Variants in PIGK observed in about 807,000 individuals in gnomAD.
The protein encoded by PIGK is phosphatidylinositol glycan anchor biosynthesis class K.
PIGK carries 42 observed loss-of-function variants against 50.6 expected under a neutral mutation model. The observed-to-expected ratio is 0.83, with a 90% confidence interval of 0.65 to 1.07. PIGK has a LOEUF of 1.07. PIGK is among the 50% of genes least tolerant of loss of function. PIGK has a pLI of 0.00. For synonymous variants in PIGK, 151 were observed against 156.0 expected, an observed-to-expected ratio of 0.97 and a Z score of 0.24; for missense variants, 448 against 488.7, an observed-to-expected ratio of 0.92 and a Z score of 0.78.
chr1:77,163,878 C>T lies in PIGK; in HGVS notation c.552G>A (p.Ala184=), dbSNP rs17099989. The change falls in exon 6 of 11, where the codon GCG becomes GCA. Residue 184 remains alanine (A), a synonymous_variant. Coordinates refer to ENST00000370812, the MANE Select transcript of PIGK (RefSeq NM_005482.3). The part of the protein sequence containing the change: ...DSEEITNIEL[A]DAFEQMWQKR... ...TCTGCCACATTTGTTCAAAAGCATCCGCGAGTTCTATGTTGGTAATTTCTT... is the reference window on the plus strand; with the variant it reads ...TCTGCCACATTTGTTCAAAAGCATCTGCGAGTTCTATGTTGGTAATTTCTT... 4,671 of 1,608,674 alleles carry T rather than the reference C, an allele frequency of 2.9e-3. 107 individuals are homozygous for T. In the African/African-American group the frequency reaches 0.054, roughly 19 times the overall value.
intron 3 of PIGK, among the ~76,000 whole-genome samples, chr1:77,192,715 A>G (rs1655938556): frequency 6.6e-6 from 1 of 152,172 alleles, no homozygotes; most frequent in Non-Finnish European, 1.5e-5. Context: ...AGAAGTAGTG[A>G]TTAAAATTTA....
chr1:77,145,597 T>A (rs1037872194), intron 9 of PIGK, among the ~76,000 whole-genome samples: 50 of 152,120 alleles, frequency 3.3e-4, no homozygotes, highest in African/African-American at 1.2e-3. Context: ...TCAATACTGT[T>A]AAGCTGTGAT....
chr1:77,206,517 A>C lies in PIGK; in HGVS notation c.239+123T>G. ...TAGTATGCTCTAATGAGAACAAAAA[A>C]TCTTCAAATCAGATTTTTTTTTTTA... On this transcript the variant is annotated intron_variant, in intron 3 of 10. Transcript: ENST00000370812. The C allele has an allele frequency of 4.8e-6, 3 of 622,014 alleles. No individual in the cohort carries two copies. In the East Asian group the frequency reaches 8.4e-5, roughly 17 times the overall value. The allele number at this position is 622,014 out of a possible 1,614,324, so 38.5% of individuals were successfully genotyped here. A position where few individuals can be genotyped will look rare whatever the true frequency, so the allele number is the denominator to read the frequency against.
chr1:77,185,632 T>C (rs1228437057), intron 3 of PIGK, among the ~76,000 whole-genome samples: 1 of 152,042 alleles, frequency 6.6e-6, no homozygotes, highest in Non-Finnish European at 1.5e-5. Flanking sequence ...GCCCATTTAT[T>C]GAGTGACCTG....
chr1:77,170,039 T>C (rs1655325579), intron 3 of PIGK, among the ~76,000 whole-genome samples: 1 of 152,142 alleles, frequency 6.6e-6, no homozygotes, highest in African/African-American at 2.4e-5. Context: ...CTGGAATAGC[T>C]CCCTACCTGG....
intron 9 of PIGK, among the ~76,000 whole-genome samples, chr1:77,130,646 G>A (rs1406982959): frequency 6.6e-6 from 1 of 152,094 alleles, no homozygotes; most frequent in East Asian, 1.9e-4. Context: ...CAGACTAAAT[G>A]CCTCTCCCAC....
intron 3 of PIGK, among the ~76,000 whole-genome samples, chr1:77,169,695 T>G (rs1397597158): frequency 2.6e-5 from 4 of 152,204 alleles, no homozygotes; most frequent in Non-Finnish European, 5.9e-5. Context: ...CATAAACTTA[T>G]GAACAGAATT....
intron 2 of PIGK, among the ~76,000 whole-genome samples, chr1:77,209,484 G>A (rs886924247): frequency 6.6e-6 from 1 of 152,110 alleles, no homozygotes; most frequent in African/African-American, 2.4e-5. Context: ...AAAAAGTTAA[G>A]ATAAAAATTA....
chr1:77,131,320 T>G (rs1284629889), intron 9 of PIGK, among the ~76,000 whole-genome samples: 1 of 151,964 alleles, frequency 6.6e-6, no homozygotes, highest in Non-Finnish European at 1.5e-5. Context: ...TATTGGTAGA[T>G]TCACTTAGAT....
intron 10 of PIGK, among the ~76,000 whole-genome samples, chr1:77,093,644 G>A (rs902841500): frequency 6.6e-6 from 1 of 151,968 alleles, no homozygotes; most frequent in African/African-American, 2.4e-5. Context: ...ACCTACCAAC[G>A]TTTAAAGTGG....
chr1:77,171,973 A>G (rs1210527206), intron 3 of PIGK, among the ~76,000 whole-genome samples: 1 of 148,598 alleles, frequency 6.7e-6, no homozygotes, highest in African/African-American at 2.6e-5. Flanking sequence ...ATAATACCCT[A>G]AAAACATTAA....
chr1:77,102,489 G>C (rs1653572527), intron 10 of PIGK, among the ~76,000 whole-genome samples: 1 of 152,140 alleles, frequency 6.6e-6, no homozygotes, highest in Admixed American at 6.5e-5. Context: ...ACTTAAGAAG[G>C]GACTCCGGCT....
At chr1:77,130,073 T>C (rs1557800996) in intron 9 of PIGK, among the ~76,000 whole-genome samples, 1 of 151,800 alleles carries the variant, frequency 6.6e-6, no homozygotes, top group Non-Finnish European at 1.5e-5. Flanking sequence ...TTGGTTTGTC[T>C]TTTAAAAAAT....
intron 3 of PIGK, among the ~76,000 whole-genome samples, chr1:77,179,052 T>C (rs1364350090): frequency 6.6e-6 from 1 of 152,190 alleles, no homozygotes; most frequent in East Asian, 1.9e-4. Context: ...TGGAGCTGCT[T>C]GTGCTAAATG....
intron 10 of PIGK, among the ~76,000 whole-genome samples, chr1:77,096,881 C>CTTTTTTTTTTTTTTTTTTGTTTTTTTT (rs141858558): frequency 8.0e-6 from 1 of 124,316 alleles, no homozygotes; most frequent in Non-Finnish European, 1.7e-5. Context: ...TCGGGTTTTT[C>CTTTTTTTTTTTTTTTTTTGTTTTTTTT]TTTTTTTTTT....
chr1:77,121,273 G>T (rs544887747), intron 10 of PIGK, among the ~76,000 whole-genome samples: 1 of 152,186 alleles, frequency 6.6e-6, no homozygotes, highest in East Asian at 1.9e-4. Context: ...GACAACACTA[G>T]GGAATTCCTG....
intron 4 of PIGK, among the ~76,000 whole-genome samples, chr1:77,169,058 C>G (rs1655295636): frequency 6.6e-6 from 1 of 151,902 alleles, no homozygotes. Context: ...TTTTTCTGTC[C>G]TAGATAAAAA....
rs1487870897 is a variant in PIGK at position 77,169,291 on chromosome 1, T to A, written c.344A>T (p.Asp115Val). Residue 115 changes from aspartate to valine, a missense_variant, in exon 4 of 11, where the codon GAT (aspartate) becomes GTT (valine). By Grantham distance (152) the Asp-to-Val change is radical (BLOSUM62 -3). Coordinates refer to ENST00000370812, the MANE Select transcript of PIGK (RefSeq NM_005482.3). ...HKNMELNVYGDDVEVDYRSYE... is the reference protein window; with the variant it reads ...HKNMELNVYGVDVEVDYRSYE... The stretch of plus-strand genomic sequence containing the variant: ...ACTTCTATAATCCACTTCCACATCA[T>A]CTCCATACACATTTAGTTCCATATT... 1.3e-6 allele frequency: 2 copies of A among 1,586,562 alleles called. No individual in the cohort carries two copies. Among genetic ancestry groups the A allele is most frequent in the Non-Finnish European group, 1.7e-6 (2 of 1,165,338 alleles).
Position 77,092,486 on chromosome 1 carries a change from G to T in PIGK, c.1076C>A (p.Pro359Gln). The change falls in exon 11 of 11, where the codon CCG (proline) becomes CAG (glutamine). Residue 359 changes from proline to glutamine, a missense_variant. Coordinates refer to ENST00000370812, the MANE Select transcript of PIGK (RefSeq NM_005482.3). ...LPVAQIIHQK[P>Q]KLKDWHPPGG... ...AGGAGGATGCCAGTCTTTCAGCTTC[G>T]GTTTCTGCAAAACAAGAATAACATG... 2 of 1,525,090 alleles carry T rather than the reference G, an allele frequency of 1.3e-6. No individual in the cohort carries two copies. Among genetic ancestry groups the T allele is most frequent in the African/African-American group, 1.4e-5 (1 of 72,390 alleles). The allele number at this position is 1,525,090 out of a possible 1,614,324, so 94.5% of individuals were successfully genotyped here. A position where few individuals can be genotyped will look rare whatever the true frequency, so the allele number is the denominator to read the frequency against.
Sources: allele counts gnomAD v4.1 joint callset (sites outside exome capture counted in the v4.1 genomes callset), GRCh38; gene constraint gnomAD v4.1.1; transcripts MANE v1.5; gene names NCBI Gene and HGNC (gene_info 2026-07-23, HGNC 2026-07-21).